PTPRM: variants seen among roughly 807,000 people sequenced by gnomAD.
PTPRM encodes receptor-type tyrosine-protein phosphatase mu.
In PTPRM, 47 loss-of-function variants were observed where a neutral mutation model predicts 186.7. The ratio of observed to expected loss-of-function variants is 0.25; its 90% CI spans 0.20 to 0.32. The LOEUF (loss-of-function observed/expected upper bound fraction) is 0.32, where lower values mean the gene tolerates loss of function less well. Among genes scored for constraint, PTPRM ranks in the 10% least tolerant of loss-of-function variants. The pLI, the probability that PTPRM is intolerant of heterozygous loss-of-function variation, is 1.00. For synonymous variants in PTPRM, 668 were observed against 674.9 expected (o/e 0.99, Z 0.16); for missense variants, 1,494 against 1,865.0 (o/e 0.80, Z 3.66).
intron 22 of PTPRM, among the ~76,000 whole-genome samples, chr18:8,326,420 A>T (rs1403404262): frequency 2.0e-5 from 3 of 152,244 alleles, no homozygotes; most frequent in Admixed American, 2.0e-4. Flanking sequence ...TCTTCACAGA[A>T]TTAGAAAAAA....
At chr18:7,743,686 T>A (rs952386008) in intron 1 of PTPRM, among the ~76,000 whole-genome samples, 3 of 152,198 alleles carry the variant, frequency 2.0e-5, no homozygotes, top group Non-Finnish European at 2.9e-5. Flanking sequence ...TCTTGAATAT[T>A]CGGGACATAA....
chr18:8,006,075 G>A (rs907544002), intron 7 of PTPRM, among the ~76,000 whole-genome samples: 3 of 152,152 alleles, frequency 2.0e-5, no homozygotes, highest in Admixed American at 6.5e-5. Context: ...AGGGTTTGTC[G>A]GAGCATATGA....
At chr18:8,285,606 G>A (rs533011614) in intron 19 of PTPRM, among the ~76,000 whole-genome samples, 4 of 152,332 alleles carry the variant, frequency 2.6e-5, no homozygotes, top group Non-Finnish European at 2.9e-5. Context: ...CTCAGGCTCC[G>A]AAGTAGTCAA....
At chr18:7,886,836 AG>A (rs2048812159) in intron 2 of PTPRM, among the ~76,000 whole-genome samples, 2 of 152,210 alleles carry the variant, frequency 1.3e-5, no homozygotes, top group Non-Finnish European at 1.5e-5. Context: ...TAATCGGTGA[AG>A]GATATCTACA....
In PTPRM at chr18:7,567,331, A is replaced by C. The variant is rs1344906156; in HGVS notation, c.-488A>C. On this transcript the variant is annotated 5_prime_UTR_variant, in exon 1 of 33. Coordinates refer to ENST00000580170, the MANE Select transcript of PTPRM (RefSeq NM_001105244.2). The surrounding 1 kb of genome is among the most constrained non-coding windows in gnomAD (Gnocchi z 4.3). ...GGGCACCGCCAGTCAGTCGGGGAGC[A>C]AGAGCCCCGCGCGCAGCCGGCGCGG... 1 of 148,288 alleles carries C rather than the reference A, an allele frequency of 6.7e-6. No homozygotes were observed. Among genetic ancestry groups the C allele is most frequent in the East Asian group, 2.0e-4 (1 of 5,038 alleles). The allele number at this position is 148,288 out of a possible 1,614,324, so 9.2% of individuals were successfully genotyped here.
intron 4 of PTPRM, among the ~76,000 whole-genome samples, chr18:7,922,590 C>T (rs2050929237): frequency 6.6e-6 from 1 of 152,142 alleles, no homozygotes; most frequent in Non-Finnish European, 1.5e-5. Context: ...TTTCTTCCCT[C>T]TGCTCAGAAA....
At chr18:7,758,081 G>T (rs2041592637) in intron 1 of PTPRM, among the ~76,000 whole-genome samples, 1 of 152,120 alleles carries the variant, frequency 6.6e-6, no homozygotes, top group Non-Finnish European at 1.5e-5. Flanking sequence ...CGTAAATCTA[G>T]AACGGGACTC....
At chr18:8,128,879 G>T (rs563229780) in intron 13 of PTPRM, among the ~76,000 whole-genome samples, 7 of 151,974 alleles carry the variant, frequency 4.6e-5, no homozygotes, top group African/African-American at 1.4e-4. Flanking sequence ...CCATTTTGTG[G>T]TTTTCTTTTC....
At chr18:8,209,047 T>G (rs775157168) in intron 14 of PTPRM, among the ~76,000 whole-genome samples, 1 of 152,152 alleles carries the variant, frequency 6.6e-6, no homozygotes, top group African/African-American at 2.4e-5. Context: ...AGATAGGGCA[T>G]AGGGGCTGCT....
intron 7 of PTPRM, among the ~76,000 whole-genome samples, chr18:8,019,441 G>A (rs1055995697): frequency 2.3e-4 from 35 of 152,070 alleles, no homozygotes; most frequent in Admixed American, 1.3e-3. Context: ...ACAAAATGGC[G>A]TGATAGACCT....
At chr18:8,303,357 C>T (rs965551899) in intron 20 of PTPRM, among the ~76,000 whole-genome samples, 5 of 152,120 alleles carry the variant, frequency 3.3e-5, no homozygotes, top group African/African-American at 9.7e-5. Context: ...TTTGGACCTA[C>T]CCCAGATTCT....
At position 8,248,151 on chromosome 18, in the gene PTPRM, C is replaced by T; in HGVS notation, c.2529C>T (p.Asp843=). 1 of 1,532,028 alleles carries T rather than the reference C, an allele frequency of 6.5e-7. No individual in the cohort carries two copies. Among genetic ancestry groups the T allele is most frequent in the South Asian group, 1.1e-5 (1 of 89,376 alleles). The allele number at this position is 1,532,028 out of a possible 1,614,324, so 94.9% of individuals were successfully genotyped here. ...STSVPNSYYP[D]PFVPTAILVP... ...TGACCTGCTTACGGTGTATGACAGA[C>T]CCATTTGTGCCAACTGCAATTTTAG... The change falls in exon 17 of 33, where the codon GAC becomes GAT. Residue 843 remains aspartate (D), a splice_region_variant and synonymous_variant. Coordinates refer to ENST00000580170, the MANE Select transcript of PTPRM (RefSeq NM_001105244.2).
intron 1 of PTPRM, among the ~76,000 whole-genome samples, chr18:7,707,938 T>G (rs2040130720): frequency 6.6e-6 from 1 of 152,200 alleles, no homozygotes; most frequent in Non-Finnish European, 1.5e-5. Context: ...GACACAGTGA[T>G]CCCAAAAGTT....
At chr18:8,217,144 T>C (rs1338130574) in intron 14 of PTPRM, among the ~76,000 whole-genome samples, 1 of 152,226 alleles carries the variant, frequency 6.6e-6, no homozygotes, top group African/African-American at 2.4e-5. Context: ...CATGCTGGCT[T>C]GTCATTTTCT....
intron 1 of PTPRM, among the ~76,000 whole-genome samples, chr18:7,738,635 G>T (rs1409814006): frequency 2.0e-5 from 3 of 149,796 alleles, no homozygotes; most frequent in Non-Finnish European, 4.4e-5. Context: ...TAGAGACGGG[G>T]TTTCACCGTG....
intron 16 of PTPRM, 105 bp from the exon 17 acceptor site, chr18:8,248,045 T>A: frequency 7.3e-7 from 1 of 1,360,608 alleles, no homozygotes; most frequent in Non-Finnish European, 1.1e-6. Context: ...CCCAATGCGT[T>A]TCTACAGCTT....
chr18:7,605,793 C>T (rs897888947), intron 1 of PTPRM, among the ~76,000 whole-genome samples: 2 of 152,198 alleles, frequency 1.3e-5, no homozygotes, highest in Non-Finnish European at 2.9e-5. Flanking sequence ...GCCGTGTTGT[C>T]AGCCCAGCCC....
chr18:7,833,517 T>C (rs1461305093), intron 2 of PTPRM, among the ~76,000 whole-genome samples: 1 of 152,216 alleles, frequency 6.6e-6, no homozygotes, highest in African/African-American at 2.4e-5. Context: ...GCAGATCACC[T>C]GAGGTCAGGA....
At chr18:8,389,756 G>A (rs888318499) in intron 31 of PTPRM, among the ~76,000 whole-genome samples, 17 of 152,106 alleles carry the variant, frequency 1.1e-4, no homozygotes, top group Non-Finnish European at 2.2e-4. Context: ...CCCAGTACTG[G>A]CCAGGAAAGA....
Sources: allele counts gnomAD v4.1 joint callset (sites outside exome capture counted in the v4.1 genomes callset), GRCh38; gene constraint gnomAD v4.1.1; non-coding constraint Gnocchi (gnomAD v3.1); transcripts MANE v1.5; gene names NCBI Gene and HGNC (gene_info 2026-07-23, HGNC 2026-07-21).